WNK2: variants seen among roughly 807,000 people sequenced by gnomAD.
The protein encoded by WNK2 is serine/threonine-protein kinase WNK2.
A neutral mutation model predicts 192.1 loss-of-function variants in WNK2; 67 were observed. That is an observed-to-expected ratio of 0.35 (90% confidence interval 0.29 to 0.43). The LOEUF (loss-of-function observed/expected upper bound fraction) is 0.43. Ranked by LOEUF, WNK2 falls within the 20% of genes least tolerant of loss-of-function variation. The probability of loss-of-function intolerance (pLI) is 1.00; values close to 1 mark genes in which losing one functional copy is unlikely to be tolerated. For missense variants in WNK2, 2,698 were observed against 3,089.7 expected (o/e 0.87, Z 3.01); for synonymous variants, 1,439 against 1,393.9 (o/e 1.03, Z -0.72).
At chr9:93,300,300 T>C (rs1261899782) in intron 26 of WNK2, 151 bp downstream of exon 26, 2 of 590,806 alleles carry the variant, frequency 3.4e-6, no homozygotes, top group Non-Finnish European at 5.7e-6. Flanking sequence ...TGGAACCCCA[T>C]GAGCCGGTCC....
At chr9:93,261,551 G>A (rs540320393) in intron 12 of WNK2, among the ~76,000 whole-genome samples, 3 of 152,248 alleles carry the variant, frequency 2.0e-5, no homozygotes, top group Non-Finnish European at 4.4e-5. Context: ...AGCTTGGCAG[G>A]TTCATAGACG....
rs111564279 is a variant in WNK2 at position 93,262,750 on chromosome 9, C to T, written c.3410+31C>T. The T allele has an allele frequency of 2.8e-4, 453 of 1,609,652 alleles. 3 individuals carry two copies. The African/African-American group carries it at 4.8e-3, about 17-fold the overall frequency. Reference sequence around the variant, plus strand: ...GTGGCCCAGCCTCGACCTCGCAGGACGGGTGTAGGGGCGCAGGCCTGTACA... The same window carrying T: ...GTGGCCCAGCCTCGACCTCGCAGGATGGGTGTAGGGGCGCAGGCCTGTACA... On this transcript the variant is annotated intron_variant, in intron 14 of 29. Transcript: ENST00000427277.
chr9:93,264,772 A>T (rs779888553), intron 16 of WNK2, among the ~76,000 whole-genome samples: 2 of 152,222 alleles, frequency 1.3e-5, no homozygotes, highest in Non-Finnish European at 2.9e-5. Flanking sequence ...TAAAGGGGCC[A>T]GCAGCACACT....
Position 93,268,848 on chromosome 9 carries a change from A to G in WNK2, c.4033+102A>G, listed in dbSNP as rs779955121. ...ATGTGCCCCGTGCCCAGGTCCATGC[A>G]GGGGGCTCACCCTGCCCTGTCTCCC... On this transcript the variant is annotated intron_variant, in intron 19 of 29. Coordinates refer to ENST00000427277, the MANE Select transcript of WNK2 (RefSeq NM_006648.4). 1.3e-5 allele frequency: 21 copies of G among 1,575,490 alleles called. No homozygotes were observed. In the East Asian group the frequency reaches 4.2e-4, roughly 32 times the overall value.
Position 93,262,007 on chromosome 9 carries a change from C to G in WNK2, c.3260C>G (p.Thr1087Ser), listed in dbSNP as rs773674976. The stretch of plus-strand genomic sequence containing the variant: ...TCTGTGCAGAGTGTGCCCACCCAGA[C>G]TGCCACACTTCTGCCACCAGCAAAC... The part of the protein sequence containing the change: ...SASVQSVPTQ[T>S]ATLLPPANPP... Residue 1087 changes from threonine (T) to serine (S), a missense_variant, in exon 13 of 30, where the codon ACT (threonine) becomes AGT (serine). By Grantham distance (58) the Thr-to-Ser change is moderately conservative. Transcript: ENST00000427277. The G allele has an allele frequency of 1.2e-6, 2 of 1,611,792 alleles. No homozygotes were observed. Among genetic ancestry groups the G allele is most frequent in the East Asian group, 2.2e-5 (1 of 44,842 alleles).
chr9:93,256,058 T>C (rs1843237000), intron 9 of WNK2, among the ~76,000 whole-genome samples: 1 of 152,152 alleles, frequency 6.6e-6, no homozygotes, highest in Non-Finnish European at 1.5e-5. Context: ...TGTGGTTGTG[T>C]AATGTTCTGT....
chr9:93,271,153 C>T (rs1845949303), intron 19 of WNK2, among the ~76,000 whole-genome samples: 2 of 152,164 alleles, frequency 1.3e-5, no homozygotes, highest in African/African-American at 2.4e-5. Context: ...TTCCAGTACA[C>T]CTGTTTCAGA....
intron 20 of WNK2, 68 bp downstream of exon 20, chr9:93,289,688 G>A: frequency 7.2e-7 from 1 of 1,392,206 alleles, no homozygotes; most frequent in Non-Finnish European, 9.4e-7. Context: ...GCAGGCCCGG[G>A]GGTGGGCAGG....
intron 21 of WNK2, among the ~76,000 whole-genome samples, chr9:93,290,847 T>C (rs1324814516): frequency 6.6e-6 from 1 of 152,214 alleles, no homozygotes; most frequent in African/African-American, 2.4e-5. Flanking sequence ...GCTTCTCATT[T>C]CATTATCTGC....
At chr9:93,311,613 T>TTGTGTGTGTGTGTGTGTGTGTG (rs71364368) in intron 28 of WNK2, among the ~76,000 whole-genome samples, 166 of 146,182 alleles carry the variant, frequency 1.1e-3, no homozygotes, top group African/African-American at 3.5e-3. Flanking sequence ...GTTTTTTTGT[T>TTGTGTGTGTGTGTGTGTGTGTG]TGTGTGTGTG....
At position 93,289,326 on chromosome 9, in the gene WNK2, C is replaced by T. The variant is rs1342912825; in HGVS notation, c.4572C>T (p.Pro1524=). The T allele has an allele frequency of 6.2e-7, 1 of 1,602,668 alleles. No individual in the cohort carries two copies. Among genetic ancestry groups the T allele is most frequent in the Admixed American group, 1.7e-5 (1 of 58,774 alleles). Residue 1524 remains proline (P), a synonymous_variant, in exon 20 of 30, where the codon CCC becomes CCT. Transcript: ENST00000427277. ...GCCCACCCCTGGGGCCCACCGTCCC[C>T]CCACAGCCACCCTCGGCCCTGGAGT... ...LPSPPLGPTV[P]PQPPSALESD... is the part of the protein sequence containing the mutation.
intron 21 of WNK2, among the ~76,000 whole-genome samples, chr9:93,290,834 T>C (rs1045395063): frequency 6.6e-6 from 1 of 152,222 alleles, no homozygotes; most frequent in Non-Finnish European, 1.5e-5. Flanking sequence ...ACACCTTTGC[T>C]TTGCTTCTCA....
intron 7 of WNK2, among the ~76,000 whole-genome samples, chr9:93,245,228 C>G (rs753670548): frequency 3.9e-5 from 6 of 152,222 alleles, no homozygotes; most frequent in Non-Finnish European, 8.8e-5. Flanking sequence ...ACCTGATTCC[C>G]CTGAAGCCCT....
intron 2 of WNK2, among the ~76,000 whole-genome samples, chr9:93,190,656 G>T (rs12000524): frequency 1.3e-5 from 2 of 152,156 alleles, no homozygotes; most frequent in Non-Finnish European, 2.9e-5. Flanking sequence ...GGAACCTTCC[G>T]TGGTGGCAGA....
In WNK2 at chr9:93,288,857, T is replaced by A. The variant is rs1848863943; in HGVS notation, c.4103T>A (p.Leu1368Gln). The A allele has an allele frequency of 4.3e-6, 7 of 1,612,268 alleles. No individual in the cohort carries two copies. The highest frequency in any genetic ancestry group is 5.9e-6 in the Non-Finnish European group (7 of 1,179,634). ...AGCTTTCTAGCCAGTCAGCAGCTCCTGAGCCAGGCGGGCCCCAGCAACCCT... is the reference window on the plus strand; with the variant it reads ...AGCTTTCTAGCCAGTCAGCAGCTCCAGAGCCAGGCGGGCCCCAGCAACCCT... ...QPSFLASQQL[L>Q]SQAGPSNPPG... The change falls in exon 20 of 30, where the codon CTG becomes CAG. Residue 1368 changes from leucine (L) to glutamine (Q), a missense_variant. By Grantham distance (113) the Leu-to-Gln change is moderately radical. Coordinates refer to ENST00000427277, the MANE Select transcript of WNK2 (RefSeq NM_006648.4).
intron 26 of WNK2, among the ~76,000 whole-genome samples, chr9:93,303,743 A>C (rs1380083218): frequency 6.6e-6 from 1 of 152,164 alleles, no homozygotes; most frequent in Non-Finnish European, 1.5e-5. Context: ...CATTTAGCTC[A>C]AGGCAACATG....
intron 8 of WNK2, among the ~76,000 whole-genome samples, chr9:93,249,006 C>G (rs558346808): frequency 3.0e-4 from 46 of 152,314 alleles, no homozygotes; most frequent in African/African-American, 9.9e-4. Flanking sequence ...TAAATTCAAA[C>G]AAGCAGTCAT....
intron 21 of WNK2, among the ~76,000 whole-genome samples, chr9:93,291,591 C>A (rs1383835077): frequency 6.6e-6 from 1 of 152,086 alleles, no homozygotes; most frequent in Non-Finnish European, 1.5e-5. Context: ...GGGTGTTGTT[C>A]CCTTGTGAGT....
intron 19 of WNK2, among the ~76,000 whole-genome samples, chr9:93,287,520 C>T (rs1171057953): frequency 6.6e-6 from 1 of 152,136 alleles, no homozygotes; most frequent in African/African-American, 2.4e-5. Flanking sequence ...GAATAGAGTA[C>T]CATTCCATTG....
Sources: allele counts gnomAD v4.1 joint callset (sites outside exome capture counted in the v4.1 genomes callset), GRCh38; gene constraint gnomAD v4.1.1; transcripts MANE v1.5; gene names NCBI Gene and HGNC (gene_info 2026-07-23, HGNC 2026-07-21).